EXOSC2: variants seen among roughly 807,000 people sequenced by gnomAD.
EXOSC2 encodes the protein exosome complex component RRP4.
Under a neutral mutation model 37.6 loss-of-function variants are expected in EXOSC2, and 29 were observed. The ratio of observed to expected loss-of-function variants is 0.77; its 90% CI spans 0.57 to 1.05. The LOEUF is 1.05. Ranked by LOEUF, EXOSC2 falls within the 50% of genes least tolerant of loss-of-function variation. The pLI, the probability that EXOSC2 is intolerant of heterozygous loss-of-function variation, is 0.00. For synonymous variants in EXOSC2, 119 were observed against 131.1 expected (o/e 0.91, Z 0.63); for missense variants, 346 against 365.6 (o/e 0.95, Z 0.44).
In EXOSC2 at chr9:130,704,501, G is replaced by C. The variant is rs550622402; in HGVS notation, c.*727G>C. 1.3e-5 allele frequency: 2 copies of C among 152,008 alleles called. No individual in the cohort carries two copies. The highest frequency in any genetic ancestry group is 4.2e-4 in the South Asian group (2 of 4,810). 9.4% of individuals were successfully genotyped at this position (152,008 alleles called of 1,614,324 possible). A position where few individuals can be genotyped will look rare whatever the true frequency, so the allele number is the denominator to read the frequency against. ...AGCTGAAATCGCGTACCACACTCCA[G>C]CCTGGGTGACAGAGCGAGACTGTGT... On this transcript the variant is annotated 3_prime_UTR_variant, in exon 9 of 9. Coordinates refer to ENST00000372358, the MANE Select transcript of EXOSC2 (RefSeq NM_014285.7).
Position 130,694,206 on chromosome 9 carries a change from C to T in EXOSC2, c.122+293C>T, listed in dbSNP as rs1831042624. On this transcript the variant is annotated intron_variant, in intron 1 of 8. Coordinates refer to ENST00000372358, the MANE Select transcript of EXOSC2 (RefSeq NM_014285.7). This position sits in a 1 kb window ranked among gnomAD's most constrained non-coding sequence, Gnocchi z 4.0. Reference sequence around the variant, plus strand: ...ATCTTTGATCCTTCCTTGTGGGAGACCTGGAAAGCTGGGGAGGGTTAGGTG... The same window carrying T: ...ATCTTTGATCCTTCCTTGTGGGAGATCTGGAAAGCTGGGGAGGGTTAGGTG... 1.3e-5 allele frequency among the ~76,000 whole-genome samples: 2 copies of T among 152,080 alleles called. No homozygotes were observed. Among genetic ancestry groups the T allele is most frequent in the Admixed American group, 6.6e-5 (1 of 15,254 alleles).
chr9:130,702,545 C>T (rs550533483), intron 7 of EXOSC2, among the ~76,000 whole-genome samples: 1 of 151,922 alleles, frequency 6.6e-6, no homozygotes, highest in South Asian at 2.1e-4. Context: ...GGGTAATAGC[C>T]GAAGAGCCAG....
chr9:130,695,388 G>A, intron 1 of EXOSC2, 104 bp from the exon 2 acceptor site: 1 of 963,676 alleles, frequency 1.0e-6, no homozygotes. Context: ...GCCACGCTTT[G>A]CAGGGGGAGC....
Position 130,703,702 on chromosome 9 carries a change from C to G in EXOSC2, c.810C>G (p.Asp270Glu). ...CCTTTTCCCTTTTTCAGATCAAAGA[C>G]ATCTTAAAGCCAGAAATAATGGAGG... ...YEASLPHQIK[D>E]ILKPEIMEEI... Residue 270 changes from aspartate to glutamate, a missense_variant, in exon 9 of 9, where the codon GAC (aspartate) becomes GAG (glutamate). Asp to Glu is a conservative substitution (Grantham distance 45, BLOSUM62 2). Transcript: ENST00000372358. 1 of 1,613,466 alleles carries G rather than the reference C, an allele frequency of 6.2e-7. No homozygotes were observed.
intron 5 of EXOSC2, chr9:130,699,726 G>A (rs964718054): frequency 3.9e-6 from 1 of 258,474 alleles, no homozygotes; most frequent in Non-Finnish European, 7.5e-6. Context: ...GACAGGCCGA[G>A]TGTGGTGACT....
At chr9:130,701,114 A>G in intron 6 of EXOSC2, 179 bp downstream of exon 6, 2 of 612,404 alleles carry the variant, frequency 3.3e-6, no homozygotes, top group East Asian at 2.9e-5. Flanking sequence ...CAGGGTTCAC[A>G]GGGTCATGGG....
intron 5 of EXOSC2, among the ~76,000 whole-genome samples, chr9:130,700,439 A>G (rs2132637979): frequency 6.6e-6 from 1 of 151,004 alleles, no homozygotes; most frequent in East Asian, 2.0e-4. Context: ...GGCTCACTGC[A>G]ACCTCTGCCT....
At chr9:130,696,335 G>A (rs139271125) in intron 2 of EXOSC2, among the ~76,000 whole-genome samples, 5 of 152,354 alleles carry the variant, frequency 3.3e-5, no homozygotes, top group African/African-American at 4.8e-5. Flanking sequence ...TGAGGTGGGC[G>A]GGCGTGGGCC....
At chr9:130,700,817 G>A in intron 5 of EXOSC2, 50 bp from the exon 6 acceptor site, 1 of 1,578,358 alleles carries the variant, frequency 6.3e-7, no homozygotes, top group East Asian at 2.2e-5. Flanking sequence ...GCAGAGGACA[G>A]GACAGTGTGT....
At position 130,703,196 on chromosome 9, in the gene EXOSC2, G is replaced by A. The variant is rs1165364925; in HGVS notation, c.801+15G>A. ...TTCCACATCAGGTACTCTCCCCAGG[G>A]CCTCTCCCTTCTTCACTGATCTGTG... On this transcript the variant is annotated intron_variant, in intron 8 of 8. Transcript: ENST00000372358. The A allele has an allele frequency of 1.9e-6, 3 of 1,601,584 alleles. No homozygotes were observed. In the Admixed American group the frequency reaches 5.0e-5, roughly 27 times the overall value.
chr9:130,695,593 G>T lies in EXOSC2; in HGVS notation c.224G>T (p.Arg75Ile). ...KLICVKALKT[R>I]YIGEVGDIVV... is the part of the protein sequence containing the mutation. ...ATCTGTGTGAAAGCTTTGAAAACCA[G>T]GTGAGAACAAAAGGTGTGTATTCCC... Residue 75 changes from arginine to isoleucine, a missense_variant and splice_region_variant, in exon 2 of 9, where the codon AGA (arginine) becomes ATA (isoleucine). Physicochemically the swap from Arg to Ile is moderately conservative, Grantham distance 97. Coordinates refer to ENST00000372358, the MANE Select transcript of EXOSC2 (RefSeq NM_014285.7). The T allele has an allele frequency of 6.2e-7, 1 of 1,613,994 alleles. No homozygotes were observed. The highest frequency in any genetic ancestry group is 8.5e-7 in the Non-Finnish European group (1 of 1,179,860).
Position 130,696,132 on chromosome 9 carries a change from G to A in EXOSC2, c.224+539G>A, listed in dbSNP as rs550566566. Among the ~76,000 whole-genome samples the A allele has an allele frequency of 7.2e-5, 11 of 152,282 alleles. No individual in the cohort carries two copies. The East Asian group carries it at 2.1e-3, about 29-fold the overall frequency. ...CCCCCACTTGGCCTCCCAAAGTGCT[G>A]GGATTACAGGCGTGAGCCACTGTGC... On this transcript the variant is annotated intron_variant, in intron 2 of 8. Coordinates refer to ENST00000372358, the MANE Select transcript of EXOSC2 (RefSeq NM_014285.7).
chr9:130,702,467 T>C, intron 7 of EXOSC2, among the ~76,000 whole-genome samples, 157 bp downstream of exon 7: 1 of 125,222 alleles, frequency 8.0e-6, no homozygotes, highest in Non-Finnish European at 1.5e-5. Flanking sequence ...GCCCATATTA[T>C]CTTCTCTTCT....
In EXOSC2 at chr9:130,694,021, G is replaced by A. The variant is rs1204608739; in HGVS notation, c.122+108G>A. ...GTGTGTAACTCCCCGCGGGACCCAG[G>A]GCACTTCGTCTGAGCATCCTACACA... On this transcript the variant is annotated intron_variant, in intron 1 of 8. Coordinates refer to ENST00000372358, the MANE Select transcript of EXOSC2 (RefSeq NM_014285.7). This position sits in a 1 kb window ranked among gnomAD's most constrained non-coding sequence, Gnocchi z 4.0. The A allele has an allele frequency of 2.9e-6, 4 of 1,372,144 alleles. No homozygotes were observed. The highest frequency in any genetic ancestry group is 5.2e-5 in the Admixed American group (2 of 38,716). The allele number at this position is 1,372,144 out of a possible 1,614,324, so 85.0% of individuals were successfully genotyped here.
chr9:130,695,390 A>G (rs1322581586), intron 1 of EXOSC2, 102 bp from the exon 2 acceptor site: 2 of 975,390 alleles, frequency 2.1e-6, no homozygotes, highest in African/African-American at 3.2e-5. Context: ...CACGCTTTGC[A>G]GGGGGAGCCT....
In EXOSC2 at chr9:130,698,296, G is replaced by T; in HGVS notation, c.360+45G>T. Reference sequence around the variant, plus strand: ...CCATGGACTAGGGCCCAGTGGGCTGGGGGGAGCCGTGGGACCCTTTGTTCC... The same window carrying T: ...CCATGGACTAGGGCCCAGTGGGCTGTGGGGAGCCGTGGGACCCTTTGTTCC... On this transcript the variant is annotated intron_variant, in intron 4 of 8. Coordinates refer to ENST00000372358, the MANE Select transcript of EXOSC2 (RefSeq NM_014285.7). This position sits in a 1 kb window ranked among gnomAD's most constrained non-coding sequence, Gnocchi z 4.1. 6.3e-7 allele frequency: 1 copy of T among 1,575,012 alleles called. No homozygotes were observed. The highest frequency in any genetic ancestry group is 8.7e-7 in the Non-Finnish European group (1 of 1,146,670).
chr9:130,704,752 A>C lies in EXOSC2; in HGVS notation c.*978A>C, dbSNP rs1171700308. ...AGAAAATAAGCAAAGAAAAATGGAG[A>C]CTGGGAAAGCAAAGCTGTTTTCATC... On this transcript the variant is annotated 3_prime_UTR_variant, in exon 9 of 9. Transcript: ENST00000372358. 1 of 152,158 alleles carries C rather than the reference A, an allele frequency of 6.6e-6. No individual in the cohort carries two copies. Among genetic ancestry groups the C allele is most frequent in the Non-Finnish European group, 1.5e-5 (1 of 68,036 alleles). The allele number at this position is 152,158 out of a possible 1,614,324, so 9.4% of individuals were successfully genotyped here.
chr9:130,701,248 A>G (rs1831209762), intron 6 of EXOSC2: 1 of 309,780 alleles, frequency 3.2e-6, no homozygotes. Flanking sequence ...GGGGCGCTGC[A>G]GCTCAGCACT....
rs138129140 is a variant in EXOSC2 at position 130,698,304 on chromosome 9, C to T, written c.360+53C>T. The T allele has an allele frequency of 8.7e-4, 1,337 of 1,529,754 alleles. 5 individuals are homozygous for T. In the African/African-American group the frequency reaches 0.014, roughly 16 times the overall value. The allele number at this position is 1,529,754 out of a possible 1,614,324, so 94.8% of individuals were successfully genotyped here. Reference sequence around the variant, plus strand: ...TAGGGCCCAGTGGGCTGGGGGGAGCCGTGGGACCCTTTGTTCCACCAGAGG... The same window carrying T: ...TAGGGCCCAGTGGGCTGGGGGGAGCTGTGGGACCCTTTGTTCCACCAGAGG... On this transcript the variant is annotated intron_variant, in intron 4 of 8. Transcript: ENST00000372358. This position sits in a 1 kb window ranked among gnomAD's most constrained non-coding sequence, Gnocchi z 4.1.
Sources: gnomAD v4.1 joint callset for allele counts (sites outside exome capture counted in the v4.1 genomes callset) on GRCh38, gnomAD v4.1.1 for gene constraint, Gnocchi (gnomAD v3.1) non-coding constraint, MANE v1.5 for transcripts, NCBI Gene and HGNC (gene_info 2026-07-23, HGNC 2026-07-21) for gene names.